Variants in LARP7 observed in about 807,000 individuals in gnomAD.
LARP7 encodes La ribonucleoprotein 7, transcriptional regulator.
In LARP7, 52 loss-of-function variants were observed where a neutral mutation model predicts 69.3. That is an observed-to-expected ratio of 0.75 (90% CI 0.60 to 0.95). The LOEUF (loss-of-function observed/expected upper bound fraction) is 0.95. Among genes scored for constraint, LARP7 ranks in the 40% least tolerant of loss-of-function variants. The probability of loss-of-function intolerance (pLI) is 0.00; values close to 1 mark genes in which losing one functional copy is unlikely to be tolerated. For missense variants in LARP7, 733 were observed against 673.0 expected, an observed-to-expected ratio of 1.09 and a Z score of -0.99; for synonymous variants, 254 against 215.9, an observed-to-expected ratio of 1.18 and a Z score of -1.55.
In LARP7 at chr4:112,647,093, G is replaced by GA; in HGVS notation, c.617dup (p.Asn206LysfsTer2). On this transcript the variant is annotated frameshift_variant, in exon 6 of 13. Coordinates refer to ENST00000344442, the MANE Select transcript of LARP7 (RefSeq NM_016648.4). LOFTEE classifies it high-confidence loss of function. ...AACCTGGCATATTTCCTAAAACAGT[G>GA]AAAAATAAGCCCATTCCAGCCTTAA... The GA allele has an allele frequency of 6.2e-7, 1 of 1,611,302 alleles. No homozygotes were observed. Among genetic ancestry groups the GA allele is most frequent in the Non-Finnish European group, 8.5e-7 (1 of 1,179,390 alleles).
chr4:112,656,214 G>A (rs893674262), intron 12 of LARP7, among the ~76,000 whole-genome samples: 4 of 152,022 alleles, frequency 2.6e-5, no homozygotes, highest in Non-Finnish European at 5.9e-5. Flanking sequence ...AGACCAGCCC[G>A]GCCAACATAT....
intron 10 of LARP7, 29 bp from the exon 11 acceptor site, chr4:112,653,048 A>T: frequency 6.5e-7 from 1 of 1,532,414 alleles, no homozygotes; most frequent in Non-Finnish European, 8.8e-7. Flanking sequence ...TTTAAATTTT[A>T]TTTGTCTTTC....
At position 112,657,261 on chromosome 4, in the gene LARP7, T is replaced by C; in HGVS notation, c.1683T>C (p.Ala561=). ...TTTCTCTTTAGTTAATCACCAAAGC[T>C]GAAAAGATTAGACTGGCAAAGACTC... ...KRGTEKLITK[A]EKIRLAKTQQ... Residue 561 remains alanine (A), a synonymous_variant, in exon 13 of 13, where the codon GCT becomes GCC. Coordinates refer to ENST00000344442, the MANE Select transcript of LARP7 (RefSeq NM_016648.4). 1 of 1,584,140 alleles carries C rather than the reference T, an allele frequency of 6.3e-7. No individual in the cohort carries two copies. Among genetic ancestry groups the C allele is most frequent in the Non-Finnish European group, 8.6e-7 (1 of 1,163,568 alleles).
chr4:112,638,893 T>C (rs2047837459), intron 1 of LARP7, among the ~76,000 whole-genome samples: 1 of 152,224 alleles, frequency 6.6e-6, no homozygotes, highest in African/African-American at 2.4e-5. Flanking sequence ...TACAATTTAA[T>C]GGAGCCCACT....
At chr4:112,641,402 A>AG (rs945561116) in intron 1 of LARP7, among the ~76,000 whole-genome samples, 6 of 152,142 alleles carry the variant, frequency 3.9e-5, no homozygotes, top group African/African-American at 1.4e-4. Flanking sequence ...AAAAAAAAAA[A>AG]AAGAAACCTT....
chr4:112,644,581 C>G, intron 1 of LARP7, 87 bp from the exon 2 acceptor site: 1 of 1,108,272 alleles, frequency 9.0e-7, no homozygotes, highest in South Asian at 1.9e-5. Flanking sequence ...ATTATTCTCT[C>G]AGACAGTTAA....
At chr4:112,649,779 A>T (rs2048624802) in intron 9 of LARP7, 93 bp downstream of exon 9, 1 of 798,716 alleles carries the variant, frequency 1.3e-6, no homozygotes, top group African/African-American at 1.8e-5. Flanking sequence ...TTAATTTTAA[A>T]AAACTTGATT....
Position 112,646,571 on chromosome 4 carries a change from A to AATAT in LARP7, c.304-15_304-12dup. The stretch of plus-strand genomic sequence containing the variant: ...TAAATAATATTAGTTTTATTAATGT[A>AATAT]ATATACTATTTTAAAGCTTGATTTG... On this transcript the variant is annotated splice_polypyrimidine_tract_variant and intron_variant, in intron 3 of 12. Transcript: ENST00000344442. 1 of 1,456,200 alleles carries AATAT rather than the reference A, an allele frequency of 6.9e-7. No individual in the cohort carries two copies. The highest frequency in any genetic ancestry group is 2.5e-5 in the East Asian group (1 of 40,312). 90.2% of individuals were successfully genotyped at this position (1,456,200 alleles called of 1,614,324 possible). A position where few individuals can be genotyped will look rare whatever the true frequency, so the allele number is the denominator to read the frequency against.
At chr4:112,644,922 A>G (rs2048107682) in intron 2 of LARP7, 51 bp downstream of exon 2, 2 of 801,328 alleles carry the variant, frequency 2.5e-6, no homozygotes, top group South Asian at 2.6e-5. Flanking sequence ...TTGCCTTTAA[A>G]TTTACTTATA....
rs541057628 is a variant in LARP7 at position 112,647,460 on chromosome 4, C to G, written c.908C>G (p.Ala303Gly). 1.2e-6 allele frequency: 2 copies of G among 1,613,904 alleles called. No homozygotes were observed. Among genetic ancestry groups the G allele is most frequent in the South Asian group, 2.2e-5 (2 of 91,068 alleles). The change falls in exon 7 of 13, where the codon GCA becomes GGA. Residue 303 changes from alanine to glycine, a missense_variant. Coordinates refer to ENST00000344442, the MANE Select transcript of LARP7 (RefSeq NM_016648.4). ...AGGAAGAGAAGCAGCTCTGAAGATG[C>G]AGAATCCCTAGCTCCCCGATCAAAA... The part of the protein sequence containing the change: ...GKRKRSSSED[A>G]ESLAPRSKVK...
chr4:112,640,304 A>G (rs1560916091), intron 1 of LARP7, among the ~76,000 whole-genome samples: 1 of 152,230 alleles, frequency 6.6e-6, no homozygotes. Flanking sequence ...CTTTACAGGT[A>G]CTTTTAAATT....
intron 12 of LARP7, among the ~76,000 whole-genome samples, chr4:112,656,986 C>T (rs902366149): frequency 1.3e-5 from 2 of 151,788 alleles, no homozygotes; most frequent in African/African-American, 4.8e-5. Flanking sequence ...CATTTGCCTT[C>T]CTTAAAAATA....
At chr4:112,653,310 C>T in intron 11 of LARP7, 74 bp downstream of exon 11, 2 of 1,249,468 alleles carry the variant, frequency 1.6e-6, no homozygotes, top group Non-Finnish European at 2.2e-6. Flanking sequence ...CTGAGTTTGG[C>T]TAATGAAACT....
chr4:112,653,133 A>C lies in LARP7; in HGVS notation c.1473A>C (p.Thr491=). 6.2e-7 allele frequency: 1 copy of C among 1,610,392 alleles called. No homozygotes were observed. Among genetic ancestry groups the C allele is most frequent in the Non-Finnish European group, 8.5e-7 (1 of 1,178,388 alleles). The part of the protein sequence containing the change: ...VLYVDLLEGD[T]ECHARFKTPE... Reference sequence around the variant, plus strand: ...ATGTTGATTTGCTAGAAGGGGATACAGAATGCCATGCTAGATTTAAAACTC... The same window carrying C: ...ATGTTGATTTGCTAGAAGGGGATACCGAATGCCATGCTAGATTTAAAACTC... The change falls in exon 11 of 13, where the codon ACA becomes ACC. Residue 491 remains threonine (T), a synonymous_variant. Transcript: ENST00000344442.
Position 112,647,305 on chromosome 4 carries a change from GA to G in LARP7, c.757del (p.Arg253AspfsTer54). On this transcript the variant is annotated frameshift_variant, in exon 7 of 13. Transcript: ENST00000344442. LOFTEE classifies it high-confidence loss of function. ...CAAGCAACACCAGCATCAGTAAAAT[GA>G]AAAGATCCAGACCCACATCTGAGGG... ...DTSNTSISKM[K>X]RSRPTSEGSD... is the part of the protein sequence containing the mutation. 3 of 1,613,996 alleles carry G rather than the reference GA, an allele frequency of 1.9e-6. No homozygotes were observed. The highest frequency in any genetic ancestry group is 2.5e-6 in the Non-Finnish European group (3 of 1,179,996).
At chr4:112,644,898 A>G (rs1006542997) in intron 2 of LARP7, 27 bp downstream of exon 2, 4 of 1,148,268 alleles carry the variant, frequency 3.5e-6, no homozygotes, top group Admixed American at 2.4e-5. Flanking sequence ...AAAGGAACCA[A>G]TTTTTAGATA....
At position 112,645,499 on chromosome 4, in the gene LARP7, A is replaced by G. The variant is rs539566376; in HGVS notation, c.202+628A>G. The G allele has an allele frequency of 1.2e-3, 565 of 456,098 alleles. 11 individuals carry two copies. The highest frequency in any genetic ancestry group is 7.5e-3 in the Middle Eastern group (23 of 3,076). The allele number at this position is 456,098 out of a possible 1,614,324, so 28.3% of individuals were successfully genotyped here. On this transcript the variant is annotated intron_variant, in intron 2 of 12. Coordinates refer to ENST00000344442, the MANE Select transcript of LARP7 (RefSeq NM_016648.4). Reference sequence around the variant, plus strand: ...ACAAGAAGGCATTTCACCTAGCTCAATGTTATTTTTTGTTTCATTTTTTTG... The same window carrying G: ...ACAAGAAGGCATTTCACCTAGCTCAGTGTTATTTTTTGTTTCATTTTTTTG...
intron 1 of LARP7, 183 bp from the exon 2 acceptor site, chr4:112,644,485 G>A (rs2048086379): frequency 3.4e-6 from 4 of 1,182,274 alleles, no homozygotes; most frequent in Non-Finnish European, 4.4e-6. Flanking sequence ...CCCTAACATA[G>A]AAGGTAAATT....
At position 112,647,329 on chromosome 4, in the gene LARP7, G is replaced by C. The variant is rs2048346485; in HGVS notation, c.777G>C (p.Glu259Asp). The change falls in exon 7 of 13, where the codon GAG (glutamate) becomes GAC (aspartate). Residue 259 changes from glutamate (E) to aspartate (D), a missense_variant. Coordinates refer to ENST00000344442, the MANE Select transcript of LARP7 (RefSeq NM_016648.4). Reference sequence around the variant, plus strand: ...TGAAAAGATCCAGACCCACATCTGAGGGCTCTGACATTGAGTCCACTGAAC... The same window carrying C: ...TGAAAAGATCCAGACCCACATCTGACGGCTCTGACATTGAGTCCACTGAAC... ...SKMKRSRPTS[E>D]GSDIESTEPQ... is the part of the protein sequence containing the mutation. The C allele has an allele frequency of 3.1e-6, 5 of 1,614,030 alleles. No homozygotes were observed. Among genetic ancestry groups the C allele is most frequent in the Non-Finnish European group, 4.2e-6 (5 of 1,180,002 alleles).
Sources: allele counts gnomAD v4.1 joint callset (sites outside exome capture counted in the v4.1 genomes callset), GRCh38; gene constraint gnomAD v4.1.1; transcripts MANE v1.5; gene names NCBI Gene and HGNC (gene_info 2026-07-23, HGNC 2026-07-21).